Variants in UBE2R2 observed in about 807,000 individuals in gnomAD.
The protein encoded by UBE2R2 is ubiquitin conjugating enzyme E2 R2.
UBE2R2 carries 1 observed loss-of-function variant against 27.8 expected under a neutral mutation model. The ratio of observed to expected loss-of-function variants is 0.04; its 90% CI spans 0.01 to 0.17. UBE2R2 has a LOEUF of 0.17. Among genes scored for constraint, UBE2R2 ranks in the 10% least tolerant of loss-of-function variants. The probability of loss-of-function intolerance (pLI) is 1.00; values close to 1 mark genes in which losing one functional copy is unlikely to be tolerated. For missense variants in UBE2R2, 100 were observed against 291.0 expected, an observed-to-expected ratio of 0.34 and a Z score of 4.78; for synonymous variants, 106 against 113.3, an observed-to-expected ratio of 0.94 and a Z score of 0.41.
At chr9:33,864,686 A>G (rs1821320049) in intron 1 of UBE2R2, among the ~76,000 whole-genome samples, 2 of 149,824 alleles carry the variant, frequency 1.3e-5, no homozygotes, top group African/African-American at 4.9e-5. Flanking sequence ...AGTAGCTGGG[A>G]CTGCAGGCCT....
At chr9:33,822,826 A>T (rs1057135459) in intron 1 of UBE2R2, among the ~76,000 whole-genome samples, 13 of 152,102 alleles carry the variant, frequency 8.5e-5, no homozygotes, top group African/African-American at 3.1e-4. Flanking sequence ...CCCCCTAAAA[A>T]AACAAACCAG....
At chr9:33,826,515 G>T (rs10971717) in intron 1 of UBE2R2, among the ~76,000 whole-genome samples, 2 of 151,866 alleles carry the variant, frequency 1.3e-5, no homozygotes, top group Admixed American at 6.6e-5. Flanking sequence ...TGGCTAACAC[G>T]GTCAAACCCC....
At chr9:33,864,546 ATAT>A (rs1294116203) in intron 1 of UBE2R2, among the ~76,000 whole-genome samples, 3 of 152,080 alleles carry the variant, frequency 2.0e-5, no homozygotes, top group Admixed American at 6.6e-5. Context: ...ACATTTCTAA[ATAT>A]TCTTAATTTA....
At chr9:33,886,579 T>TG (rs1396944113) in intron 1 of UBE2R2, among the ~76,000 whole-genome samples, 1 of 146,550 alleles carries the variant, frequency 6.8e-6, no homozygotes, top group Non-Finnish European at 1.5e-5. Flanking sequence ...CGCTTGGACC[T>TG]GGGAGGTGGA....
chr9:33,894,769 T>TAAC (rs1412847799), intron 2 of UBE2R2, among the ~76,000 whole-genome samples: 2 of 152,210 alleles, frequency 1.3e-5, no homozygotes, highest in African/African-American at 4.8e-5. Context: ...TGCTGGCTGT[T>TAAC]ATCTGTGGTC....
At chr9:33,817,123 G>A (rs1490153094), upstream of UBE2R2, among the ~76,000 whole-genome samples, 2 of 151,662 alleles carry the variant, frequency 1.3e-5, no homozygotes, top group Non-Finnish European at 2.9e-5. Context: ...CCCGGCGTGC[G>A]CCCCTCCTCC....
rs968583672 is a variant in UBE2R2 at position 33,918,421 on chromosome 9, T to C, written c.*1184T>C. 1 of 151,836 alleles carries C rather than the reference T, an allele frequency of 6.6e-6. No individual in the cohort carries two copies. The highest frequency in any genetic ancestry group is 2.4e-5 in the African/African-American group (1 of 41,304). The allele number at this position is 151,836 out of a possible 1,614,324, so 9.4% of individuals were successfully genotyped here. ...TTTTCTCCTTTCAACATACTTAGGC[T>C]GTGGAGTGCAAGCAGAATTATGCAT... is the stretch of plus-strand genomic sequence containing the variant. On this transcript the variant is annotated 3_prime_UTR_variant, in exon 5 of 5. Transcript: ENST00000263228.
intron 1 of UBE2R2, among the ~76,000 whole-genome samples, chr9:33,880,749 A>T (rs945894703): frequency 6.6e-6 from 1 of 152,194 alleles, no homozygotes. Context: ...CTCAGCCTCC[A>T]GTCAGATCAG....
intron 1 of UBE2R2, among the ~76,000 whole-genome samples, chr9:33,860,729 C>T (rs13285564): frequency 0.068 from 10,307 of 151,932 alleles, 488 homozygotes; most frequent in Non-Finnish European, 0.099. Flanking sequence ...AGTGAGATCC[C>T]ATCTCTACAA....
intron 1 of UBE2R2, among the ~76,000 whole-genome samples, chr9:33,856,891 T>C (rs1587448504): frequency 1.8e-4 from 9 of 50,650 alleles, no homozygotes; most frequent in Admixed American, 1.3e-3. Flanking sequence ...CCTTTCACTT[T>C]TTTTTTTTTT....
intron 1 of UBE2R2, among the ~76,000 whole-genome samples, chr9:33,880,518 GTAGA>G (rs1190970098): frequency 1.3e-5 from 2 of 152,058 alleles, no homozygotes; most frequent in Admixed American, 1.3e-4. Context: ...TTTAAACTTT[GTAGA>G]TAGATGTTGT....
At chr9:33,883,871 G>C (rs1473881177) in intron 1 of UBE2R2, among the ~76,000 whole-genome samples, 1 of 150,614 alleles carries the variant, frequency 6.6e-6, no homozygotes, top group Non-Finnish European at 1.5e-5. Context: ...TCATCAAAAG[G>C]AATGAACAGG....
chr9:33,874,022 A>T lies in UBE2R2; in HGVS notation c.178-12859A>T, dbSNP rs539960198. Among the ~76,000 whole-genome samples the T allele has an allele frequency of 4.7e-5, 7 of 149,990 alleles. No individual in the cohort carries two copies. In the East Asian group the frequency reaches 1.4e-3, roughly 30 times the overall value. On this transcript the variant is annotated intron_variant, in intron 1 of 4. Transcript: ENST00000263228. ...GAGTGCAGTGGCACGATCTCCGCTC[A>T]CTGTAACCTCTGCTTCCCGAGTTCA...
At chr9:33,878,990 C>G (rs1226317965) in intron 1 of UBE2R2, among the ~76,000 whole-genome samples, 1 of 152,092 alleles carries the variant, frequency 6.6e-6, no homozygotes, top group African/African-American at 2.4e-5. Context: ...CACAGAGTAC[C>G]CAGCATTTTA....
chr9:33,900,162 T>C lies in UBE2R2; in HGVS notation c.265-12T>C, dbSNP rs549832309. ...TTGAGTATTTACTGAATGTAATGTT[T>C]GTGTCTTGTAGAATGGAGATGTATG... On this transcript the variant is annotated splice_polypyrimidine_tract_variant and intron_variant, in intron 2 of 4. Transcript: ENST00000263228. 2 of 1,606,400 alleles carry C rather than the reference T, an allele frequency of 1.2e-6. No individual in the cohort carries two copies. The highest frequency in any genetic ancestry group is 1.1e-5 in the South Asian group (1 of 90,794).
intron 1 of UBE2R2, among the ~76,000 whole-genome samples, chr9:33,882,131 G>T (rs1821742932): frequency 6.6e-6 from 1 of 152,122 alleles, no homozygotes; most frequent in Admixed American, 6.6e-5. Context: ...TGGCTCCTAT[G>T]CTGTTTTGAA....
chr9:33,844,885 C>A (rs1184412453), intron 1 of UBE2R2, among the ~76,000 whole-genome samples: 1 of 149,992 alleles, frequency 6.7e-6, no homozygotes, highest in Non-Finnish European at 1.5e-5. Flanking sequence ...TCTTGCCTCA[C>A]CCTCCGGAGT....
At chr9:33,886,712 A>G (rs1821866295) in intron 1 of UBE2R2, among the ~76,000 whole-genome samples, 169 bp from the exon 2 acceptor site, 1 of 151,856 alleles carries the variant, frequency 6.6e-6, no homozygotes, top group Admixed American at 6.6e-5. Context: ...GTAAGAACTT[A>G]CTAATGACCC....
At chr9:33,860,680 C>T (rs1333349816) in intron 1 of UBE2R2, among the ~76,000 whole-genome samples, 1 of 152,074 alleles carries the variant, frequency 6.6e-6, no homozygotes, top group African/African-American at 2.4e-5. Context: ...GCAGGAAGAT[C>T]ACTTGAGTAT....
Sources: gnomAD v4.1 joint callset for allele counts (sites outside exome capture counted in the v4.1 genomes callset) on GRCh38, gnomAD v4.1.1 for gene constraint, MANE v1.5 for transcripts, NCBI Gene and HGNC (gene_info 2026-07-23, HGNC 2026-07-21) for gene names.